Variants in CNTNAP2 observed in about 807,000 individuals in gnomAD.
The protein encoded by CNTNAP2 is contactin associated protein 2.
A neutral mutation model predicts 155.2 loss-of-function variants in CNTNAP2; 98 were observed. That is an observed-to-expected ratio of 0.63 (90% CI 0.54 to 0.75). The LOEUF (loss-of-function observed/expected upper bound fraction) is 0.75. Ranked by LOEUF, CNTNAP2 falls within the 30% of genes least tolerant of loss-of-function variation. The pLI is 0.00. For synonymous variants in CNTNAP2, 651 were observed against 631.2 expected, an observed-to-expected ratio of 1.03 and a Z score of -0.47; for missense variants, 1,727 against 1,688.1, an observed-to-expected ratio of 1.02 and a Z score of -0.40.
At chr7:146,279,919 A>G (rs1297153872) in intron 1 of CNTNAP2, among the ~76,000 whole-genome samples, 1 of 151,918 alleles carries the variant, frequency 6.6e-6, no homozygotes, top group Non-Finnish European at 1.5e-5. Context: ...AGTACTATAT[A>G]CTAATAAGTG....
intron 1 of CNTNAP2, among the ~76,000 whole-genome samples, chr7:146,508,025 C>T (rs1797410050): frequency 6.6e-6 from 1 of 152,180 alleles, no homozygotes; most frequent in Non-Finnish European, 1.5e-5. Flanking sequence ...AGCACAGCTG[C>T]ATGTGAAGGG....
At chr7:147,134,416 A>G (rs2129285702) in intron 8 of CNTNAP2, among the ~76,000 whole-genome samples, 1 of 152,078 alleles carries the variant, frequency 6.6e-6, no homozygotes, top group African/African-American at 2.4e-5. Flanking sequence ...TGTGCAAATT[A>G]ATTGAAAAGA....
intron 1 of CNTNAP2, among the ~76,000 whole-genome samples, chr7:146,381,391 A>G (rs1246798047): frequency 1.3e-5 from 2 of 152,310 alleles, no homozygotes; most frequent in Middle Eastern, 3.4e-3. Context: ...GGATGAGACC[A>G]TGTATCCTAG....
chr7:148,407,371 G>A (rs1585352066), intron 22 of CNTNAP2, among the ~76,000 whole-genome samples: 1 of 152,066 alleles, frequency 6.6e-6, no homozygotes, highest in Non-Finnish European at 1.5e-5. Context: ...ACTACATGTT[G>A]GCTCTCCCCA....
At chr7:146,652,123 G>T (rs1424747960) in intron 1 of CNTNAP2, among the ~76,000 whole-genome samples, 1 of 151,914 alleles carries the variant, frequency 6.6e-6, no homozygotes, top group Non-Finnish European at 1.5e-5. Context: ...GGACAGAAAA[G>T]AAAAAAGTTA....
At chr7:146,336,958 T>A (rs1475722732) in intron 1 of CNTNAP2, among the ~76,000 whole-genome samples, 1 of 152,070 alleles carries the variant, frequency 6.6e-6, no homozygotes, top group Non-Finnish European at 1.5e-5. Flanking sequence ...AGAGGATGGG[T>A]CTGAGATGGA....
chr7:147,090,175 T>C (rs1022230014), intron 4 of CNTNAP2, among the ~76,000 whole-genome samples: 4 of 152,216 alleles, frequency 2.6e-5, no homozygotes, highest in Non-Finnish European at 5.9e-5. Flanking sequence ...CCTGTTCTCC[T>C]TCCAGGCATG....
Position 147,147,212 on chromosome 7 carries a change from A to G in CNTNAP2, c.1348+14703A>G, listed in dbSNP as rs192675196. 3.6e-3 allele frequency among the ~76,000 whole-genome samples: 549 copies of G among 152,142 alleles called. 4 individuals carry two copies. The highest frequency in any genetic ancestry group is 0.013 in the African/African-American group (527 of 41,502). ...AAACCATCATATCTCATGAGAATTC[A>G]CTCACTATCACCAGAACAGCATGAG... On this transcript the variant is annotated intron_variant, in intron 8 of 23. Transcript: ENST00000361727.
chr7:147,898,644 C>G (rs1799810750), intron 13 of CNTNAP2, among the ~76,000 whole-genome samples: 1 of 152,104 alleles, frequency 6.6e-6, no homozygotes, highest in African/African-American at 2.4e-5. Context: ...CTCAGCCTCC[C>G]AAGTAGCTGG....
intron 1 of CNTNAP2, among the ~76,000 whole-genome samples, chr7:146,701,151 G>A (rs985424872): frequency 1.6e-4 from 24 of 152,078 alleles, no homozygotes; most frequent in African/African-American, 3.6e-4. Flanking sequence ...ATCTGTTGGC[G>A]GGAAAGATAT....
At chr7:147,354,049 G>T (rs1032129926) in intron 9 of CNTNAP2, among the ~76,000 whole-genome samples, 3 of 151,880 alleles carry the variant, frequency 2.0e-5, no homozygotes, top group Admixed American at 6.6e-5. Flanking sequence ...TTTATCATAT[G>T]GATAGATTGC....
In CNTNAP2 at chr7:147,502,168, C is replaced by A. The variant is rs114180217; in HGVS notation, c.1777+16127C>A. On this transcript the variant is annotated intron_variant, in intron 11 of 23. Coordinates refer to ENST00000361727, the MANE Select transcript of CNTNAP2 (RefSeq NM_014141.6). ...TCCTTATCAATGCAAGCTATACAAT[C>A]AAGGAATCTCTATCAAATTTCCAAT... Among the ~76,000 whole-genome samples, 1,211 of 152,078 alleles carry A rather than the reference C, an allele frequency of 8.0e-3. 17 individuals are homozygous for A. The highest frequency in any genetic ancestry group is 0.027 in the African/African-American group (1,131 of 41,480).
At chr7:146,263,142 C>A (rs1350475786) in intron 1 of CNTNAP2, among the ~76,000 whole-genome samples, 1 of 152,026 alleles carries the variant, frequency 6.6e-6, no homozygotes, top group African/African-American at 2.4e-5. Context: ...TATGGTGAAA[C>A]CCTGTCTCTA....
chr7:147,507,550 CTTTTTTTTTTTT>C (rs3052511), intron 11 of CNTNAP2, among the ~76,000 whole-genome samples: 1 of 82,026 alleles, frequency 1.2e-5, no homozygotes, highest in East Asian at 3.5e-4. Flanking sequence ...CTCTTTCTTT[CTTTTTTTTTTTT>C]TTTTTTTTTT....
chr7:146,337,076 T>C (rs1801289103), intron 1 of CNTNAP2, among the ~76,000 whole-genome samples: 1 of 152,204 alleles, frequency 6.6e-6, no homozygotes, highest in South Asian at 2.1e-4. Context: ...GTTTAAATAG[T>C]GTGCTATAGT....
intron 20 of CNTNAP2, among the ~76,000 whole-genome samples, chr7:148,259,314 C>A (rs1796514644): frequency 6.7e-6 from 1 of 149,922 alleles, no homozygotes; most frequent in Non-Finnish European, 1.5e-5. Context: ...TGTGACTGCG[C>A]CACTGCACTC....
At chr7:146,252,993 C>A (rs1373768758) in intron 1 of CNTNAP2, among the ~76,000 whole-genome samples, 5 of 152,154 alleles carry the variant, frequency 3.3e-5, no homozygotes, top group African/African-American at 4.8e-5. Flanking sequence ...TATGTACAGT[C>A]TTATTCCTCA....
chr7:146,924,225 G>A (rs77564965), intron 3 of CNTNAP2, among the ~76,000 whole-genome samples: 2,236 of 152,078 alleles, frequency 0.015, 59 homozygotes, highest in African/African-American at 0.051. Context: ...TTTCCAAGTT[G>A]TCACCTATAA....
intron 21 of CNTNAP2, among the ~76,000 whole-genome samples, chr7:148,367,417 CATA>C (rs1158831464): frequency 6.6e-6 from 1 of 151,364 alleles, no homozygotes; most frequent in Non-Finnish European, 1.5e-5. Flanking sequence ...TATGTTAATA[CATA>C]ATATCATTAT....
Sources: gnomAD v4.1 joint callset for allele counts (sites outside exome capture counted in the v4.1 genomes callset) on GRCh38, gnomAD v4.1.1 for gene constraint, MANE v1.5 for transcripts, NCBI Gene and HGNC (gene_info 2026-07-23, HGNC 2026-07-21) for gene names.